The following MACF1 variants were observed in gnomAD, a reference collection of about 807,000 sequenced individuals.
MACF1 encodes microtubule actin crosslinking factor 1.
Under a neutral mutation model 854.8 loss-of-function variants are expected in MACF1, and 193 were observed. That is an observed-to-expected ratio of 0.23 (90% CI 0.20 to 0.25). MACF1 has a LOEUF of 0.25. Among genes scored for constraint, MACF1 ranks in the 10% least tolerant of loss-of-function variants. MACF1 has a pLI of 1.00. For missense variants in MACF1, 7,722 were observed against 8,929.1 expected (o/e 0.86, Z 5.45); for synonymous variants, 3,185 against 3,226.7 (o/e 0.99, Z 0.44).
intron 80 of MACF1, among the ~76,000 whole-genome samples, chr1:39,445,644 TA>T (rs1644212546): frequency 6.6e-6 from 1 of 152,234 alleles, no homozygotes; most frequent in Non-Finnish European, 1.5e-5. Context: ...TAAGAATGGC[TA>T]AAGGACCTAA....
chr1:39,133,694 T>C (rs1429577493), intron 2 of MACF1, among the ~76,000 whole-genome samples: 1 of 152,222 alleles, frequency 6.6e-6, no homozygotes, highest in Non-Finnish European at 1.5e-5. Context: ...AGTTAACATC[T>C]GTCACTTCAC....
chr1:39,353,019 A>G lies in MACF1; in HGVS notation c.11212A>G (p.Lys3738Glu). 6.2e-7 allele frequency: 1 copy of G among 1,613,324 alleles called. No individual in the cohort carries two copies. Residue 3738 changes from lysine (K) to glutamate (E), a missense_variant, in exon 44 of 101, where the codon AAG becomes GAG. Physicochemically the swap from Lys to Glu is moderately conservative, Grantham distance 56. Around this residue, in one of 15 missense-constraint regions of MACF1, gnomAD observed 2,807 missense variants for 3,235.8 expected, o/e 0.87. Coordinates refer to ENST00000564288, the MANE Select transcript of MACF1 (RefSeq NM_001394062.1). Reference protein sequence around the residue: ...QQETEKSKAAKELAENKKKID... With the variant: ...QQETEKSKAAEELAENKKKID... ...CGGTGGCTTTCAGAGTAAAGCAGCA[A>G]AGGAACTGGCAGAGAACAAGAAGAA... is the stretch of plus-strand genomic sequence containing the variant.
At chr1:39,233,338 C>G (rs1043898825) in intron 2 of MACF1, among the ~76,000 whole-genome samples, 1 of 152,152 alleles carries the variant, frequency 6.6e-6, no homozygotes, top group African/African-American at 2.4e-5. Context: ...CTGGCCAACC[C>G]AGGTCTTTCT....
At chr1:39,127,688 G>A (rs1642894239) in intron 2 of MACF1, among the ~76,000 whole-genome samples, 1 of 152,166 alleles carries the variant, frequency 6.6e-6, no homozygotes, top group African/African-American at 2.4e-5. Flanking sequence ...GTTCTGGAAT[G>A]GTGCCAACTT....
At chr1:39,338,208 C>G (rs1163624273) in intron 38 of MACF1, among the ~76,000 whole-genome samples, 1 of 151,662 alleles carries the variant, frequency 6.6e-6, no homozygotes, top group Non-Finnish European at 1.5e-5. Context: ...AAGTTAATCT[C>G]TCTTACTTCC....
chr1:39,420,919 G>A (rs1181161024), intron 58 of MACF1, among the ~76,000 whole-genome samples: 1 of 147,862 alleles, frequency 6.8e-6, no homozygotes, highest in African/African-American at 2.5e-5. Flanking sequence ...AGGCTGGAGT[G>A]CAGTGGCTCA....
intron 2 of MACF1, among the ~76,000 whole-genome samples, chr1:39,163,290 GC>G: frequency 1.5e-5 from 2 of 133,942 alleles, no homozygotes; most frequent in Admixed American, 1.8e-4. Context: ...GGCGGAGGCT[GC>G]AGTGAGCTGA....
At chr1:39,447,987 AGT>A (rs750684387) in intron 82 of MACF1, 44 bp from the exon 83 acceptor site, 3 of 1,612,938 alleles carry the variant, frequency 1.9e-6, no homozygotes, top group Non-Finnish European at 2.5e-6. Context: ...CGTGCTGTAT[AGT>A]GTGTATATTC....
intron 4 of MACF1, among the ~76,000 whole-genome samples, chr1:39,252,848 C>T (rs1391542202): frequency 6.6e-6 from 1 of 152,172 alleles, no homozygotes; most frequent in Non-Finnish European, 1.5e-5. Flanking sequence ...AACAGATTCT[C>T]CTATTTGAGA....
At chr1:39,197,566 G>A (rs1644336114) in intron 2 of MACF1, among the ~76,000 whole-genome samples, 1 of 152,150 alleles carries the variant, frequency 6.6e-6, no homozygotes, top group African/African-American at 2.4e-5. Flanking sequence ...TTTGGGAAAC[G>A]AAAATATGGT....
At position 39,441,098 on chromosome 1, in the gene MACF1, G is replaced by A; in HGVS notation, c.18543G>A (p.Lys6181=). The A allele has an allele frequency of 6.2e-7, 1 of 1,614,240 alleles. No homozygotes were observed. ...DLIFACGETE[K]PEVRKSIDEM... is the part of the protein sequence containing the mutation. ...TTTTTGCCTGTGGAGAAACTGAGAA[G>A]CCTGAAGTGAGGAAGAGCATTGATG... The change falls in exon 73 of 101, where the codon AAG becomes AAA. Residue 6181 remains lysine (K), a synonymous_variant. Coordinates refer to ENST00000564288, the MANE Select transcript of MACF1 (RefSeq NM_001394062.1).
intron 2 of MACF1, among the ~76,000 whole-genome samples, chr1:39,095,647 G>A (rs1045825949): frequency 2.7e-5 from 4 of 150,194 alleles, no homozygotes; most frequent in African/African-American, 4.9e-5. Flanking sequence ...TTGGGAGGCC[G>A]AGGAAGGTGG....
At chr1:39,276,423 A>G (rs1170802798) in intron 6 of MACF1, among the ~76,000 whole-genome samples, 1 of 152,198 alleles carries the variant, frequency 6.6e-6, no homozygotes, top group Non-Finnish European at 1.5e-5. Flanking sequence ...TGGGATAAAG[A>G]TAAGATAGAT....
At position 39,485,813 on chromosome 1, in the gene MACF1, A is replaced by C. The variant is rs1645094695; in HGVS notation, c.*19A>C. ...GCGATAACACTGTCTAAGCACCCCC[A>C]AGCCACTATCCACTTTGAATCCTGC... On this transcript the variant is annotated 3_prime_UTR_variant, in exon 101 of 101. Coordinates refer to ENST00000564288, the MANE Select transcript of MACF1 (RefSeq NM_001394062.1). 1 of 1,557,892 alleles carries C rather than the reference A, an allele frequency of 6.4e-7. No individual in the cohort carries two copies. Among genetic ancestry groups the C allele is most frequent in the African/African-American group, 1.4e-5 (1 of 73,270 alleles).
At position 39,359,796 on chromosome 1, in the gene MACF1, C is replaced by T. The variant is rs1647912212; in HGVS notation, c.12244+532C>T. On this transcript the variant is annotated intron_variant, in intron 47 of 100. Transcript: ENST00000564288. The stretch of plus-strand genomic sequence containing the variant: ...CCATCCTGGCCAAGAAGATGAAACC[C>T]CGTCTCTACTAAAAATACAAAACAA... 1.3e-5 allele frequency among the ~76,000 whole-genome samples: 2 copies of T among 150,476 alleles called. 1 individual carries two copies. The highest frequency in any genetic ancestry group is 4.2e-4 in the South Asian group (2 of 4,710).
chr1:39,301,573 A>G (rs2148416944), intron 22 of MACF1, among the ~76,000 whole-genome samples: 1 of 149,680 alleles, frequency 6.7e-6, no homozygotes, highest in South Asian at 2.1e-4. Context: ...CTACAGGTGT[A>G]TGCCATCACG....
intron 2 of MACF1, among the ~76,000 whole-genome samples, chr1:39,104,225 G>A (rs1642162983): frequency 6.6e-6 from 1 of 152,168 alleles, no homozygotes; most frequent in African/African-American, 2.4e-5. Context: ...CGGGCACAAC[G>A]TGTCACCTAC....
At chr1:39,275,817 T>A (rs1330317973) in intron 6 of MACF1, among the ~76,000 whole-genome samples, 1 of 152,192 alleles carries the variant, frequency 6.6e-6, no homozygotes, top group African/African-American at 2.4e-5. Flanking sequence ...ATATTGGTAA[T>A]AAACACCTTC....
At chr1:39,266,445 AGTTTTGC>A (rs1645232128) in intron 6 of MACF1, among the ~76,000 whole-genome samples, 1 of 152,172 alleles carries the variant, frequency 6.6e-6, no homozygotes, top group East Asian at 1.9e-4. Context: ...ATGGTGCTGC[AGTTTTGC>A]AGTCAGCCTT....
Sources: gnomAD v4.1 joint callset for allele counts (sites outside exome capture counted in the v4.1 genomes callset) on GRCh38, gnomAD v4.1.1 for gene constraint, gnomAD v4.1.1 regional missense constraint, MANE v1.5 for transcripts, NCBI Gene and HGNC (gene_info 2026-07-23, HGNC 2026-07-21) for gene names.